Variants in SIM1 observed in about 807,000 individuals in gnomAD.
SIM1 encodes the protein SIM bHLH transcription factor 1.
Under a neutral mutation model 78.2 loss-of-function variants are expected in SIM1, and 18 were observed. The observed-to-expected ratio is 0.23, with a 90% CI of 0.16 to 0.34. The LOEUF is 0.34. Ranked by LOEUF, SIM1 falls within the 10% of genes least tolerant of loss-of-function variation. The probability of loss-of-function intolerance (pLI) is 1.00; values close to 1 mark genes in which losing one functional copy is unlikely to be tolerated. For synonymous variants in SIM1, 417 were observed against 385.2 expected (o/e 1.08, Z -0.97); for missense variants, 939 against 975.1 (o/e 0.96, Z 0.49).
chr6:100,448,100 C>A, intron 8 of SIM1, 46 bp downstream of exon 8: 2 of 1,483,964 alleles, frequency 1.3e-6, no homozygotes, highest in Non-Finnish European at 9.3e-7. Flanking sequence ...CCCTAACCAG[C>A]GGATGCGCCA....
Position 100,390,741 on chromosome 6 carries a change from A to G in SIM1, c.1921T>C (p.Leu641=), listed in dbSNP as rs1320272389. The G allele has an allele frequency of 1.2e-6, 2 of 1,614,116 alleles. No homozygotes were observed. The highest frequency in any genetic ancestry group is 2.2e-5 in the East Asian group (1 of 44,884). Residue 641 remains leucine (L), a synonymous_variant, in exon 12 of 12, where the codon TTG becomes CTG. Coordinates refer to ENST00000369208, the MANE Select transcript of SIM1 (RefSeq NM_005068.3). ...DHIQQREGKM[L]SPHENDYDNS... ...TCATAGTCATTTTCATGGGGGCTCAACATTTTTCCCTCTCTCTGCTGGATA... is the reference window on the plus strand; with the variant it reads ...TCATAGTCATTTTCATGGGGGCTCAGCATTTTTCCCTCTCTCTGCTGGATA...
At chr6:100,398,708 C>G (rs1291415409) in intron 10 of SIM1, among the ~76,000 whole-genome samples, 1 of 152,098 alleles carries the variant, frequency 6.6e-6, no homozygotes, top group African/African-American at 2.4e-5. Context: ...TACCTTTTGA[C>G]TATGAAGCTA....
intron 9 of SIM1, among the ~76,000 whole-genome samples, chr6:100,440,659 G>A (rs777156329): frequency 7.2e-5 from 11 of 152,118 alleles, no homozygotes; most frequent in African/African-American, 1.4e-4. Context: ...TCCAAATTTC[G>A]TCTAAACTCC....
chr6:100,404,271 C>A (rs892539337), intron 10 of SIM1, among the ~76,000 whole-genome samples: 1 of 152,216 alleles, frequency 6.6e-6, no homozygotes, highest in Non-Finnish European at 1.5e-5. Flanking sequence ...GCAGCAACCA[C>A]CCAGCCCAGG....
chr6:100,457,358 A>G (rs1000730079), intron 2 of SIM1, among the ~76,000 whole-genome samples: 3 of 152,200 alleles, frequency 2.0e-5, no homozygotes, highest in African/African-American at 7.2e-5. Context: ...GCCCTGTTCC[A>G]TGACCTGACT....
At chr6:100,404,895 C>CAGCA (rs1771018195) in intron 10 of SIM1, among the ~76,000 whole-genome samples, 1 of 152,138 alleles carries the variant, frequency 6.6e-6, no homozygotes, top group Non-Finnish European at 1.5e-5. Flanking sequence ...CGTAGCTGAA[C>CAGCA]AGCAGTCAAA....
At chr6:100,396,721 C>T (rs1285541058) in intron 10 of SIM1, among the ~76,000 whole-genome samples, 1 of 152,192 alleles carries the variant, frequency 6.6e-6, no homozygotes, top group Non-Finnish European at 1.5e-5. Context: ...CCACGTTCAT[C>T]CCTTTAAAAT....
intron 8 of SIM1, 96 bp downstream of exon 8, chr6:100,448,050 C>T (rs1171183959): frequency 2.0e-6 from 2 of 1,001,192 alleles, no homozygotes; most frequent in Non-Finnish European, 2.9e-6. Context: ...GGGCTCCCAC[C>T]TGTCCTCTTG....
intron 3 of SIM1, among the ~76,000 whole-genome samples, chr6:100,452,403 C>T (rs1401324638): frequency 6.6e-6 from 1 of 152,146 alleles, no homozygotes; most frequent in African/African-American, 2.4e-5. Flanking sequence ...CATGCGATTG[C>T]CCCTCCTAAA....
intron 2 of SIM1, among the ~76,000 whole-genome samples, chr6:100,460,052 A>T (rs991084351): frequency 2.0e-5 from 3 of 152,198 alleles, no homozygotes; most frequent in Non-Finnish European, 4.4e-5. Context: ...GTGATTTCTC[A>T]GTTATCTTTC....
intron 2 of SIM1, among the ~76,000 whole-genome samples, chr6:100,461,209 G>A (rs1772833062): frequency 1.3e-5 from 2 of 152,172 alleles, no homozygotes; most frequent in Admixed American, 1.3e-4. Context: ...CGAGAGGTTG[G>A]CTGTAAGAGT....
chr6:100,441,638 A>G (rs754038751), intron 9 of SIM1, among the ~76,000 whole-genome samples: 1 of 152,262 alleles, frequency 6.6e-6, no homozygotes, highest in Non-Finnish European at 1.5e-5. Context: ...GCAATTCAGT[A>G]AACAACTAAA....
intron 2 of SIM1, among the ~76,000 whole-genome samples, chr6:100,461,579 GCC>G (rs1772846966): frequency 1.3e-5 from 2 of 152,244 alleles, no homozygotes; most frequent in Non-Finnish European, 2.9e-5. Context: ...CAGAAAGGGA[GCC>G]CACTGAGACC....
chr6:100,403,131 A>G (rs1268238057), intron 10 of SIM1, among the ~76,000 whole-genome samples: 1 of 152,176 alleles, frequency 6.6e-6, no homozygotes, highest in African/African-American at 2.4e-5. Context: ...TCAATTTCAT[A>G]TTTAAGTTTT....
At chr6:100,454,338 C>G (rs1338423911) in intron 2 of SIM1, among the ~76,000 whole-genome samples, 4 of 152,178 alleles carry the variant, frequency 2.6e-5, no homozygotes, top group Non-Finnish European at 4.4e-5. Flanking sequence ...TGATTGGCTG[C>G]GGGGCTTCTA....
In SIM1 at chr6:100,390,006, T is replaced by C. The variant is rs946973174; in HGVS notation, c.*355A>G. The C allele has an allele frequency of 3.9e-5, 15 of 387,016 alleles. No individual in the cohort carries two copies. The highest frequency in any genetic ancestry group is 2.0e-4 in the Admixed American group (5 of 24,478). The allele number at this position is 387,016 out of a possible 1,614,324, so 24.0% of individuals were successfully genotyped here. A position where few individuals can be genotyped will look rare whatever the true frequency, so the allele number is the denominator to read the frequency against. On this transcript the variant is annotated 3_prime_UTR_variant, in exon 12 of 12. Coordinates refer to ENST00000369208, the MANE Select transcript of SIM1 (RefSeq NM_005068.3). ...ATACCGCAGTTTGTAAGTAATAGTTTGTGTGTTTGAGGATCACTGGATAGT... is the reference window on the plus strand; with the variant it reads ...ATACCGCAGTTTGTAAGTAATAGTTCGTGTGTTTGAGGATCACTGGATAGT...
intron 11 of SIM1, among the ~76,000 whole-genome samples, chr6:100,391,614 T>C (rs1361761860): frequency 2.6e-5 from 4 of 152,198 alleles, no homozygotes; most frequent in Non-Finnish European, 4.4e-5. Flanking sequence ...ATATCTTAAG[T>C]AGAGTTAAAA....
chr6:100,463,105 G>T, intron 2 of SIM1, 189 bp downstream of exon 2: 1 of 533,304 alleles, frequency 1.9e-6, no homozygotes, highest in South Asian at 3.1e-5. Context: ...GAGGTAGAGG[G>T]AGCCTCAAAA....
intron 9 of SIM1, among the ~76,000 whole-genome samples, chr6:100,444,919 A>T (rs1174701609): frequency 6.6e-6 from 1 of 152,146 alleles, no homozygotes; most frequent in Non-Finnish European, 1.5e-5. Context: ...TGAAACGTTT[A>T]AATTTGAAAA....
Sources: allele counts gnomAD v4.1 joint callset (sites outside exome capture counted in the v4.1 genomes callset), GRCh38; gene constraint gnomAD v4.1.1; transcripts MANE v1.5; gene names NCBI Gene and HGNC (gene_info 2026-07-23, HGNC 2026-07-21).